The following RBFOX1 variants were observed in gnomAD, a reference collection of about 807,000 sequenced individuals.
RBFOX1 encodes RNA binding protein fox-1 homolog 1.
RBFOX1 carries 8 observed loss-of-function variants against 57.7 expected under a neutral mutation model. The ratio of observed to expected loss-of-function variants is 0.14; its 90% CI spans 0.08 to 0.25. The LOEUF (loss-of-function observed/expected upper bound fraction) is 0.25. Among genes scored for constraint, RBFOX1 ranks in the 10% least tolerant of loss-of-function variants. The probability of loss-of-function intolerance (pLI) is 1.00; values close to 1 mark genes in which losing one functional copy is unlikely to be tolerated. For missense variants in RBFOX1, 611 were observed against 548.5 expected (o/e 1.11, Z -1.14); for synonymous variants, 326 against 222.4 (o/e 1.47, Z -4.15).
chr16:6,394,896 G>T (rs561508263), intron 2 of RBFOX1, among the ~76,000 whole-genome samples: 8 of 152,262 alleles, frequency 5.3e-5, no homozygotes, highest in African/African-American at 1.9e-4. Flanking sequence ...GAGAAAACTA[G>T]CACTATTAAG....
At chr16:6,986,048 T>G (rs2090181923) in intron 3 of RBFOX1, among the ~76,000 whole-genome samples, 1 of 151,500 alleles carries the variant, frequency 6.6e-6, no homozygotes, top group South Asian at 2.1e-4. Context: ...ATATCTCCAA[T>G]TTTTAAATTT....
chr16:7,103,495 G>A (rs558885218), intron 4 of RBFOX1, among the ~76,000 whole-genome samples: 3 of 152,182 alleles, frequency 2.0e-5, no homozygotes, highest in East Asian at 1.9e-4. Flanking sequence ...ATGAAAAGAC[G>A]TTCACAATGT....
intron 4 of RBFOX1, among the ~76,000 whole-genome samples, chr16:7,395,137 A>C (rs776483021): frequency 6.6e-6 from 1 of 151,282 alleles, no homozygotes; most frequent in African/African-American, 2.4e-5. Context: ...AGAACTGCTG[A>C]CTACAGCATA....
chr16:5,949,211 G>T (rs2059467379), intron 4 of RBFOX1, among the ~76,000 whole-genome samples: 1 of 152,036 alleles, frequency 6.6e-6, no homozygotes. Context: ...CTACTATACA[G>T]CCTGTGTCCA....
chr16:6,320,545 G>A (rs2081644790), intron 2 of RBFOX1, among the ~76,000 whole-genome samples: 1 of 151,828 alleles, frequency 6.6e-6, no homozygotes, highest in African/African-American at 2.4e-5. Context: ...GTATATATGA[G>A]ACATGTTAAT....
intron 7 of RBFOX1, among the ~76,000 whole-genome samples, chr16:7,592,041 C>T (rs1051791976): frequency 1.3e-5 from 2 of 151,888 alleles, no homozygotes; most frequent in African/African-American, 4.8e-5. Context: ...GAGGCCATGC[C>T]ACTTCTTGTC....
chr16:6,761,696 G>A (rs1420135999), intron 3 of RBFOX1, among the ~76,000 whole-genome samples: 2 of 151,212 alleles, frequency 1.3e-5, no homozygotes, highest in Non-Finnish European at 3.0e-5. Flanking sequence ...TAGTAGAGAC[G>A]AGGTTTCACG....
intron 4 of RBFOX1, among the ~76,000 whole-genome samples, chr16:7,096,772 A>C (rs141225925): frequency 3.5e-4 from 53 of 152,020 alleles, no homozygotes; most frequent in South Asian, 6.3e-4. Flanking sequence ...TCTCTAGTAA[A>C]AATACAAAAA....
Position 6,700,705 on chromosome 16 carries a change from T to C in RBFOX1, c.-16+46055T>C, listed in dbSNP as rs138468516. Among the ~76,000 whole-genome samples, 960 of 152,254 alleles carry C rather than the reference T, an allele frequency of 6.3e-3. 6 individuals are homozygous for C. Among genetic ancestry groups the C allele is most frequent in the Admixed American group, 7.5e-3 (114 of 15,290 alleles). On this transcript the variant is annotated intron_variant, in intron 3 of 15. Coordinates refer to ENST00000550418, the MANE Select transcript of RBFOX1 (RefSeq NM_018723.4). Reference sequence around the variant, plus strand: ...TTTTTTAAAAATTACCATAAGTAGATTCGTGAAACCGAGTCACCTGGTAAG... The same window carrying C: ...TTTTTTAAAAATTACCATAAGTAGACTCGTGAAACCGAGTCACCTGGTAAG...
At chr16:6,928,242 C>A (rs772971101) in intron 3 of RBFOX1, among the ~76,000 whole-genome samples, 17 of 152,136 alleles carry the variant, frequency 1.1e-4, no homozygotes, top group Non-Finnish European at 1.0e-4. Flanking sequence ...TTTAATTGGT[C>A]TGAGGATCCC....
intron 3 of RBFOX1, among the ~76,000 whole-genome samples, chr16:7,012,380 A>G (rs373973409): frequency 6.6e-6 from 1 of 152,282 alleles, no homozygotes; most frequent in East Asian, 1.9e-4. Flanking sequence ...CCTTTTGTCT[A>G]TGAAAGTACT....
At chr16:6,178,212 A>T in intron 1 of RBFOX1, among the ~76,000 whole-genome samples, 1 of 107,462 alleles carries the variant, frequency 9.3e-6, no homozygotes, top group South Asian at 3.3e-4. Flanking sequence ...TTGGAGACAG[A>T]GTGTTGCTCT....
chr16:5,380,624 T>G (rs1156777902), intron 1 of RBFOX1, among the ~76,000 whole-genome samples: 2 of 152,176 alleles, frequency 1.3e-5, no homozygotes. Flanking sequence ...AGCTAAGCAT[T>G]TTTTAGGCAT....
At chr16:7,092,594 A>G (rs1457143567) in intron 4 of RBFOX1, among the ~76,000 whole-genome samples, 1 of 152,170 alleles carries the variant, frequency 6.6e-6, no homozygotes, top group Non-Finnish European at 1.5e-5. Context: ...AGTTCCTGGT[A>G]TGGTGTGAAT....
chr16:5,931,260 C>T (rs1023812308), intron 4 of RBFOX1, among the ~76,000 whole-genome samples: 16 of 152,128 alleles, frequency 1.1e-4, no homozygotes, highest in African/African-American at 2.9e-4. Flanking sequence ...TGGTAGATTC[C>T]ACCTGTGTTC....
chr16:7,299,087 A>C (rs2095968639), intron 4 of RBFOX1, among the ~76,000 whole-genome samples: 1 of 152,210 alleles, frequency 6.6e-6, no homozygotes, highest in African/African-American at 2.4e-5. Context: ...AGATGTGCGT[A>C]TTTTAGATTT....
intron 4 of RBFOX1, among the ~76,000 whole-genome samples, chr16:7,181,056 T>C (rs1410186255): frequency 6.6e-6 from 1 of 152,348 alleles, no homozygotes; most frequent in South Asian, 2.1e-4. Flanking sequence ...TCAGCGAGGC[T>C]GATTTGGTCC....
At chr16:6,342,632 A>C (rs1048028314) in intron 2 of RBFOX1, among the ~76,000 whole-genome samples, 2 of 152,174 alleles carry the variant, frequency 1.3e-5, no homozygotes, top group Non-Finnish European at 2.9e-5. Flanking sequence ...TTAGGTATAC[A>C]TATCTGAGGT....
At chr16:7,175,892 G>T (rs542705189) in intron 4 of RBFOX1, among the ~76,000 whole-genome samples, 1 of 152,106 alleles carries the variant, frequency 6.6e-6, no homozygotes, top group East Asian at 1.9e-4. Flanking sequence ...AGCCCTCTGA[G>T]CATATAAAGG....
Sources: allele counts gnomAD v4.1 joint callset (sites outside exome capture counted in the v4.1 genomes callset), GRCh38; gene constraint gnomAD v4.1.1; transcripts MANE v1.5; gene names NCBI Gene and HGNC (gene_info 2026-07-23, HGNC 2026-07-21).